Variants in PATL2 observed in about 807,000 individuals in gnomAD.
PATL2 encodes protein PAT1 homolog 2.
In PATL2, 73 loss-of-function variants were observed where a neutral mutation model predicts 77.0. That is an observed-to-expected ratio of 0.95 (90% confidence interval 0.78 to 1.15). The LOEUF is 1.15. Ranked by LOEUF, PATL2 falls within the 50% of genes most tolerant of loss-of-function variation. The pLI is 0.00. For missense variants in PATL2, 618 were observed against 655.4 expected, an observed-to-expected ratio of 0.94 and a Z score of 0.62; for synonymous variants, 265 against 257.1, an observed-to-expected ratio of 1.03 and a Z score of -0.29.
intron 3 of PATL2, among the ~76,000 whole-genome samples, chr15:44,706,793 A>G (rs77952040): frequency 0.014 from 2,207 of 152,284 alleles, 27 homozygotes; most frequent in Middle Eastern, 0.031. Flanking sequence ...ATGGCTCTAA[A>G]ATCAGCAGGT....
chr15:44,681,564 A>C (rs1003252855), intron 3 of PATL2, among the ~76,000 whole-genome samples: 1 of 152,010 alleles, frequency 6.6e-6, no homozygotes, highest in Non-Finnish European at 1.5e-5. Context: ...AGTCCTCTAT[A>C]TATCAAATAT....
chr15:44,699,883 T>C (rs2086592055), intron 3 of PATL2, among the ~76,000 whole-genome samples: 1 of 152,220 alleles, frequency 6.6e-6, no homozygotes, highest in African/African-American at 2.4e-5. Context: ...GCCAGTATCA[T>C]GCTCTTTTGG....
At chr15:44,672,311 G>A in intron 8 of PATL2, 77 bp downstream of exon 8, 1 of 1,524,448 alleles carries the variant, frequency 6.6e-7, no homozygotes, top group Non-Finnish European at 8.9e-7. Context: ...GGAGATTTGA[G>A]GGAGACAACT....
intron 3 of PATL2, among the ~76,000 whole-genome samples, chr15:44,693,844 C>CA (rs2086447863): frequency 6.6e-6 from 1 of 152,028 alleles, no homozygotes; most frequent in Non-Finnish European, 1.5e-5. Flanking sequence ...GGATTACAGG[C>CA]ATGTGCCACC....
At chr15:44,670,428 A>C (rs2085616572) in intron 9 of PATL2, among the ~76,000 whole-genome samples, 1 of 152,160 alleles carries the variant, frequency 6.6e-6, no homozygotes, top group South Asian at 2.1e-4. Context: ...TCCTGGACTC[A>C]AGCAATCAGC....
chr15:44,702,012 C>T (rs1002006903), intron 3 of PATL2, among the ~76,000 whole-genome samples: 1 of 152,066 alleles, frequency 6.6e-6, no homozygotes, highest in Non-Finnish European at 1.5e-5. Flanking sequence ...AAACACCTAT[C>T]ACCAGGCCCC....
At chr15:44,675,464 C>T in intron 5 of PATL2, 22 bp downstream of exon 5, 1 of 1,546,604 alleles carries the variant, frequency 6.5e-7, no homozygotes, top group Non-Finnish European at 8.7e-7. Context: ...CAACCCTCTC[C>T]CATTCCCTTC....
chr15:44,698,934 A>G (rs1436642912), intron 3 of PATL2, among the ~76,000 whole-genome samples: 1 of 152,172 alleles, frequency 6.6e-6, no homozygotes, highest in Non-Finnish European at 1.5e-5. Flanking sequence ...GATAAAAGCC[A>G]TTTTAATGAG....
At chr15:44,705,732 C>T (rs1476786464) in intron 3 of PATL2, among the ~76,000 whole-genome samples, 1 of 149,786 alleles carries the variant, frequency 6.7e-6, no homozygotes, top group Non-Finnish European at 1.5e-5. Flanking sequence ...ATTTTAATCT[C>T]TTTGTTAAAG....
intron 3 of PATL2, among the ~76,000 whole-genome samples, chr15:44,694,558 A>C (rs1283032281): frequency 1.3e-5 from 2 of 152,082 alleles, no homozygotes; most frequent in African/African-American, 4.8e-5. Flanking sequence ...TTTTCCTGGC[A>C]TGAGACGACA....
chr15:44,668,932 C>A (rs1205119016), intron 14 of PATL2, 48 bp downstream of exon 14: 4 of 1,482,432 alleles, frequency 2.7e-6, no homozygotes, highest in Non-Finnish European at 3.6e-6. Context: ...GGAATGACCC[C>A]TAACCTATTC....
At chr15:44,693,615 T>C (rs539598149) in intron 3 of PATL2, among the ~76,000 whole-genome samples, 1 of 152,284 alleles carries the variant, frequency 6.6e-6, no homozygotes, top group East Asian at 1.9e-4. Flanking sequence ...TGTAAAGTAA[T>C]GTTTCTGCAG....
chr15:44,666,945 G>C, intron 16 of PATL2, 161 bp downstream of exon 16: 2 of 622,536 alleles, frequency 3.2e-6, no homozygotes, highest in South Asian at 4.1e-5. Context: ...GAAACTCTAG[G>C]GCACTATAGA....
intron 3 of PATL2, among the ~76,000 whole-genome samples, chr15:44,685,363 C>G (rs1484443001): frequency 4.6e-5 from 7 of 152,210 alleles, no homozygotes; most frequent in Non-Finnish European, 7.3e-5. Context: ...AATCCCATCA[C>G]TTTGGGAGGC....
intron 3 of PATL2, among the ~76,000 whole-genome samples, chr15:44,683,576 G>A (rs1184766201): frequency 2.6e-5 from 4 of 152,220 alleles, no homozygotes; most frequent in Non-Finnish European, 4.4e-5. Context: ...CTGAAAGAAA[G>A]GCAGTAGCCC....
At chr15:44,704,417 C>T (rs2086692527) in intron 3 of PATL2, among the ~76,000 whole-genome samples, 1 of 152,000 alleles carries the variant, frequency 6.6e-6, no homozygotes, top group South Asian at 2.1e-4. Flanking sequence ...ACAACATAAC[C>T]CATTATTTTA....
intron 3 of PATL2, among the ~76,000 whole-genome samples, chr15:44,709,518 C>T (rs933562806): frequency 1.3e-5 from 2 of 151,248 alleles, no homozygotes; most frequent in East Asian, 1.9e-4. Context: ...TCTGTCTCCA[C>T]AAAAATATTA....
At chr15:44,678,423 C>T (rs2086044769) in intron 3 of PATL2, among the ~76,000 whole-genome samples, 1 of 152,180 alleles carries the variant, frequency 6.6e-6, no homozygotes, top group Admixed American at 6.5e-5. Flanking sequence ...TTTGGAGTTT[C>T]ACTTGGGACC....
intron 3 of PATL2, among the ~76,000 whole-genome samples, chr15:44,690,963 T>A (rs1159963263): frequency 6.6e-6 from 1 of 152,012 alleles, no homozygotes; most frequent in Non-Finnish European, 1.5e-5. Flanking sequence ...TTATGGAGAC[T>A]GAGAAATCTT....
Sources: gnomAD v4.1 joint callset for allele counts (sites outside exome capture counted in the v4.1 genomes callset) on GRCh38, gnomAD v4.1.1 for gene constraint, MANE v1.5 for transcripts, NCBI Gene and HGNC (gene_info 2026-07-23, HGNC 2026-07-21) for gene names.